GLIS1: variants seen among roughly 807,000 people sequenced by gnomAD.
The protein encoded by GLIS1 is zinc finger protein GLIS1.
GLIS1 carries 24 observed loss-of-function variants against 63.8 expected under a neutral mutation model. The ratio of observed to expected loss-of-function variants is 0.38; its 90% CI spans 0.27 to 0.53. GLIS1 has a LOEUF of 0.53. Ranked by LOEUF, GLIS1 falls within the 20% of genes least tolerant of loss-of-function variation. GLIS1 has a pLI of 0.85. For missense variants in GLIS1, 1,036 were observed against 1,074.1 expected, an observed-to-expected ratio of 0.96 and a Z score of 0.50; for synonymous variants, 450 against 482.5, an observed-to-expected ratio of 0.93 and a Z score of 0.88.
intron 7 of GLIS1, 99 bp downstream of exon 7, chr1:53,520,535 C>T (rs1644396526): frequency 7.5e-7 from 1 of 1,330,784 alleles, no homozygotes; most frequent in South Asian, 1.7e-5. Context: ...CATGTCATGC[C>T]CATGTGGGCG....
At chr1:53,558,281 A>G (rs949584032) in intron 4 of GLIS1, among the ~76,000 whole-genome samples, 2 of 152,252 alleles carry the variant, frequency 1.3e-5, no homozygotes, top group African/African-American at 4.8e-5. Flanking sequence ...GCTGAGAGTC[A>G]GCCCAGGGCT....
chr1:53,553,603 T>C (rs576390407), intron 4 of GLIS1, among the ~76,000 whole-genome samples: 2 of 152,060 alleles, frequency 1.3e-5, no homozygotes, highest in South Asian at 2.1e-4. Context: ...CTAAGTGCAA[T>C]AGGAAAAAAC....
At chr1:53,509,057 A>G in intron 10 of GLIS1, 63 bp downstream of exon 10, 1 of 1,453,320 alleles carries the variant, frequency 6.9e-7, no homozygotes, top group Non-Finnish European at 9.3e-7. Context: ...CGTATGCAGC[A>G]CCCAGCACTG....
chr1:53,582,326 T>G (rs1645093348), intron 4 of GLIS1, among the ~76,000 whole-genome samples: 1 of 152,162 alleles, frequency 6.6e-6, no homozygotes, highest in East Asian at 1.9e-4. Flanking sequence ...CATCACACCT[T>G]CCCAATGCAC....
Position 53,506,478 on chromosome 1 carries a change from G to T in GLIS1, c.*141C>A. ...CCTGGCAGCGCTGGGTGGGGTGGCA[G>T]CGCTGGCTCCCCTGGGTCATGGCCT... On this transcript the variant is annotated 3_prime_UTR_variant, in exon 11 of 11. Transcript: ENST00000628545. 1.1e-6 allele frequency: 1 copy of T among 873,050 alleles called. No individual in the cohort carries two copies. Among genetic ancestry groups the T allele is most frequent in the Non-Finnish European group, 1.7e-6 (1 of 574,644 alleles). 54.1% of individuals were successfully genotyped at this position (873,050 alleles called of 1,614,324 possible). A position where few individuals can be genotyped will look rare whatever the true frequency, so the allele number is the denominator to read the frequency against.
chr1:53,676,829 G>C (rs905856115), intron 2 of GLIS1, among the ~76,000 whole-genome samples: 1 of 152,084 alleles, frequency 6.6e-6, no homozygotes, highest in African/African-American at 2.4e-5. Flanking sequence ...CTCATTTCAG[G>C]GCTAGGAGTT....
At chr1:53,516,807 AAAAAAAC>A (rs1357845531) in intron 7 of GLIS1, among the ~76,000 whole-genome samples, 7 of 152,048 alleles carry the variant, frequency 4.6e-5, no homozygotes, top group African/African-American at 7.2e-5. Flanking sequence ...CATCTCAAAA[AAAAAAAC>A]AAAAAACAAA....
chr1:53,605,596 C>T (rs866480484), intron 2 of GLIS1, among the ~76,000 whole-genome samples: 12 of 152,226 alleles, frequency 7.9e-5, no homozygotes, highest in South Asian at 4.1e-4. Flanking sequence ...CAGATGCTTT[C>T]GGTGCAATGA....
At position 53,594,538 on chromosome 1, in the gene GLIS1, GGCC is replaced by G. The variant is rs771128738; in HGVS notation, c.887_889del (p.Arg296del). 1 of 1,606,296 alleles carries G rather than the reference GGCC, an allele frequency of 6.2e-7. No individual in the cohort carries two copies. Among genetic ancestry groups the G allele is most frequent in the Non-Finnish European group, 8.5e-7 (1 of 1,174,540 alleles). ...ATGGCTGTCCGTCGATGCAGGGCCA[GGCC>G]GGGCCCGCTTGGAAGGGCCCCCCAG... On this transcript the variant is annotated inframe_deletion, in exon 4 of 11. Coordinates refer to ENST00000628545, the MANE Select transcript of GLIS1 (RefSeq NM_001367484.1).
rs898298808 is a variant in GLIS1 at position 53,560,994 on chromosome 1, C to T, written c.1321-31042G>A. ...CCTTCAGGATCTCCAATGTGCGCTC[C>T]GGGACCAAGCCCCTACTGTGTGCCC... On this transcript the variant is annotated intron_variant, in intron 4 of 10. Coordinates refer to ENST00000628545, the MANE Select transcript of GLIS1 (RefSeq NM_001367484.1). The surrounding 1 kb of genome is among the most constrained non-coding windows in gnomAD (Gnocchi z 4.4). Among the ~76,000 whole-genome samples, 5 of 152,128 alleles carry T rather than the reference C, an allele frequency of 3.3e-5. No homozygotes were observed. The highest frequency in any genetic ancestry group is 4.4e-5 in the Non-Finnish European group (3 of 68,010).
chr1:53,644,627 C>A (rs6682763), intron 2 of GLIS1, among the ~76,000 whole-genome samples: 77,257 of 152,018 alleles, frequency 0.51, 22,082 homozygotes, highest in Non-Finnish European at 0.63. Context: ...GTGGGCACCA[C>A]AGAGTGGTGA....
In GLIS1 at chr1:53,509,856, G is replaced by C; in HGVS notation, c.2055C>G (p.Ser685Arg). ...CCCCTGGCCAGAGCTTACCTTGTGG[G>C]CTGGGCAGAGGCGGGGGTGGAGGGC... is the stretch of plus-strand genomic sequence containing the variant. ...FQSPPPPPLP[S>R]PQGYQGSFHS... The change falls in exon 9 of 11, where the codon AGC (serine) becomes AGG (arginine). Residue 685 changes from serine to arginine, a missense_variant. Transcript: ENST00000628545. 1 of 1,306,148 alleles carries C rather than the reference G, an allele frequency of 7.7e-7. No individual in the cohort carries two copies. Among genetic ancestry groups the C allele is most frequent in the East Asian group, 2.8e-5 (1 of 35,486 alleles). The allele number at this position is 1,306,148 out of a possible 1,614,324, so 80.9% of individuals were successfully genotyped here.
intron 2 of GLIS1, among the ~76,000 whole-genome samples, chr1:53,645,715 GT>G (rs1645838013): frequency 6.6e-6 from 1 of 152,218 alleles, no homozygotes; most frequent in Non-Finnish European, 1.5e-5. Flanking sequence ...AGTAATAAGT[GT>G]TTTCATCTCC....
At chr1:53,642,456 C>T (rs572155103) in intron 2 of GLIS1, among the ~76,000 whole-genome samples, 1 of 152,298 alleles carries the variant, frequency 6.6e-6, no homozygotes, top group Admixed American at 6.5e-5. Flanking sequence ...TGCCACAATA[C>T]GCTGCTGGAA....
At chr1:53,559,181 T>C (rs1644861260) in intron 4 of GLIS1, among the ~76,000 whole-genome samples, 1 of 152,210 alleles carries the variant, frequency 6.6e-6, no homozygotes, top group South Asian at 2.1e-4. Context: ...TCATTTTGTA[T>C]AAACCCTGTT....
intron 4 of GLIS1, among the ~76,000 whole-genome samples, chr1:53,564,121 T>C (rs978649619): frequency 5.9e-5 from 9 of 152,200 alleles, no homozygotes; most frequent in East Asian, 1.9e-4. Flanking sequence ...CACACTGTTT[T>C]ATAAAATGGT....
At chr1:53,544,825 A>G (rs945136929) in intron 4 of GLIS1, among the ~76,000 whole-genome samples, 1 of 152,204 alleles carries the variant, frequency 6.6e-6, no homozygotes, top group Admixed American at 6.5e-5. Flanking sequence ...TCCTGGGCCC[A>G]AAGCCTCTCT....
At chr1:53,709,661 T>C (rs1570087387) in intron 2 of GLIS1, among the ~76,000 whole-genome samples, 1 of 152,016 alleles carries the variant, frequency 6.6e-6, no homozygotes, top group African/African-American at 2.4e-5. Flanking sequence ...AAAGTCAGGG[T>C]GTTGATGGGC....
intron 2 of GLIS1, among the ~76,000 whole-genome samples, chr1:53,711,705 G>T (rs1646648762): frequency 6.6e-6 from 1 of 152,214 alleles, no homozygotes; most frequent in East Asian, 1.9e-4. Context: ...GAAATCTCTT[G>T]GTTCAGTGTG....
Sources: allele counts gnomAD v4.1 joint callset (sites outside exome capture counted in the v4.1 genomes callset), GRCh38; gene constraint gnomAD v4.1.1; non-coding constraint Gnocchi (gnomAD v3.1); transcripts MANE v1.5; gene names NCBI Gene and HGNC (gene_info 2026-07-23, HGNC 2026-07-21).